Variants in BICDL2 observed in about 807,000 individuals in gnomAD.
BICDL2 encodes BICD family-like cargo adapter 2.
In BICDL2, 62 loss-of-function variants were observed where a neutral mutation model predicts 56.6. The ratio of observed to expected loss-of-function variants is 1.10; its 90% confidence interval spans 0.89 to 1.35. BICDL2 has a LOEUF of 1.35. Among genes scored for constraint, BICDL2 ranks in the 40% most tolerant of loss-of-function variants. The probability of loss-of-function intolerance (pLI) is 0.00; values close to 1 mark genes in which losing one functional copy is unlikely to be tolerated. For synonymous variants in BICDL2, 358 were observed against 319.8 expected (o/e 1.12, Z -1.27); for missense variants, 808 against 684.5 (o/e 1.18, Z -2.01).
At position 3,032,091 on chromosome 16, in the gene BICDL2, C is replaced by G. The variant is rs1194193168; in HGVS notation, c.283-941G>C. On this transcript the variant is annotated intron_variant, in intron 2 of 9. Coordinates refer to ENST00000572449, the MANE Select transcript of BICDL2 (RefSeq NM_001369667.1). Reference sequence around the variant, plus strand: ...AGATTACTGGCGTGCGCCACCCTGCCCGGCAAATTTTTTTGTTTTCTTAGG... The same window carrying G: ...AGATTACTGGCGTGCGCCACCCTGCGCGGCAAATTTTTTTGTTTTCTTAGG... 2.0e-5 allele frequency: 3 copies of G among 152,214 alleles called. No individual in the cohort carries two copies. The East Asian group carries it at 5.8e-4, about 29-fold the overall frequency. The allele number at this position is 152,214 out of a possible 1,614,324, so 9.4% of individuals were successfully genotyped here.
chr16:3,031,005 C>T lies in BICDL2; in HGVS notation c.428G>A (p.Gly143Glu). The change falls in exon 3 of 10, where the codon GGG becomes GAG. Residue 143 changes from glycine to glutamate, a missense_variant. By Grantham distance (98) the Gly-to-Glu change is moderately conservative. Coordinates refer to ENST00000572449, the MANE Select transcript of BICDL2 (RefSeq NM_001369667.1). ...GEQRSEQQDS[G>E]RERARALSEL... ...GCTGAGGGCCCGTGCCCGTTCTCGC[C>T]CACTGTCCTGCTGCTCTGAGCGCTG... 1.9e-6 allele frequency: 3 copies of T among 1,553,558 alleles called. No individual in the cohort carries two copies. The highest frequency in any genetic ancestry group is 2.4e-5 in the East Asian group (1 of 41,762).
intron 2 of BICDL2, among the ~76,000 whole-genome samples, chr16:3,033,981 G>A (rs1955692907): frequency 1.3e-5 from 2 of 152,130 alleles, no homozygotes; most frequent in African/African-American, 2.4e-5. Context: ...TCAGGCTCAG[G>A]GCAGTGGTTG....
intron 1 of BICDL2, chr16:3,035,779 G>A (rs1438569447): frequency 2.0e-6 from 1 of 489,626 alleles, no homozygotes; most frequent in East Asian, 3.5e-5. Flanking sequence ...CCCCAGGAAA[G>A]CTCATTCCAG....
At chr16:3,034,927 G>C (rs1392052131) in intron 2 of BICDL2, 5 of 415,630 alleles carry the variant, frequency 1.2e-5, no homozygotes, top group Middle Eastern at 6.4e-4. Context: ...TGCCCAGGCT[G>C]TTCTCCAACA....
At chr16:3,036,610 C>T in intron 1 of BICDL2, 1 of 451,108 alleles carries the variant, frequency 2.2e-6, no homozygotes, top group Non-Finnish European at 4.4e-6. Flanking sequence ...GGCCCCGCTC[C>T]CCCGCCCCCC....
At chr16:3,031,772 GAC>G (rs1338790704) in intron 2 of BICDL2, 9 of 381,788 alleles carry the variant, frequency 2.4e-5, no homozygotes, top group Non-Finnish European at 4.2e-5. Context: ...CTGCTGCAGC[GAC>G]TCGCAGGTAC....
intron 2 of BICDL2, chr16:3,034,927 G>A: frequency 2.4e-6 from 1 of 415,746 alleles, no homozygotes; most frequent in South Asian, 4.9e-5. Flanking sequence ...TGCCCAGGCT[G>A]TTCTCCAACA....
chr16:3,031,305 G>GA, intron 2 of BICDL2, 155 bp from the exon 3 acceptor site: 1 of 651,136 alleles, frequency 1.5e-6, no homozygotes, highest in Non-Finnish European at 2.6e-6. Context: ...AGTGAGGGAG[G>GA]AAGCGTGAGC....
chr16:3,035,645 C>G, intron 1 of BICDL2, 119 bp from the exon 2 acceptor site: 2 of 862,906 alleles, frequency 2.3e-6, no homozygotes, highest in Non-Finnish European at 3.5e-6. Flanking sequence ...GCTTCCTGGG[C>G]CACAAAGGGT....
rs571382966 is a variant in BICDL2 at position 3,031,451 on chromosome 16, G to A, written c.283-301C>T. Reference sequence around the variant, plus strand: ...GGCTTCTGGACCTGAGGTCGCAAGCGCCGTTTTTGGCGCCTGAGTCTGGCA... The same window carrying A: ...GGCTTCTGGACCTGAGGTCGCAAGCACCGTTTTTGGCGCCTGAGTCTGGCA... On this transcript the variant is annotated intron_variant, in intron 2 of 9. Transcript: ENST00000572449. The A allele has an allele frequency of 8.4e-4, 451 of 534,368 alleles. 1 individual carries two copies. The highest frequency in any genetic ancestry group is 1.3e-3 in the Non-Finnish European group (393 of 301,936). 33.1% of individuals were successfully genotyped at this position (534,368 alleles called of 1,614,324 possible).
Position 3,029,572 on chromosome 16 carries a change from C to G in BICDL2, c.930G>C (p.Gln310His), listed in dbSNP as rs1450960243. The stretch of plus-strand genomic sequence containing the variant: ...GGGTGTCTCCGGGTGCGTCGGCGCC[C>G]TGGCCCTGGTCGCCGTCGTCGAGGC... Reference protein sequence around the residue: ...AHSLDDGDQGQGADAPGDTPT... With the variant: ...AHSLDDGDQGHGADAPGDTPT... Residue 310 changes from glutamine (Q) to histidine (H), a missense_variant, in exon 6 of 10, where the codon CAG (glutamine) becomes CAC (histidine). Gln to His is a conservative substitution (Grantham distance 24). Transcript: ENST00000572449. 7.1e-6 allele frequency: 11 copies of G among 1,546,432 alleles called. No homozygotes were observed. In the Admixed American group the frequency reaches 1.8e-4, roughly 25 times the overall value.
intron 2 of BICDL2, chr16:3,031,633 C>G (rs1340911138): frequency 2.5e-6 from 1 of 402,790 alleles, no homozygotes. Flanking sequence ...GTCTGACCAG[C>G]GGGGGAATGC....
Position 3,036,934 on chromosome 16 carries a change from G to A in BICDL2, c.-71C>T, listed in dbSNP as rs997001173. On this transcript the variant is annotated 5_prime_UTR_variant, in exon 1 of 10. Coordinates refer to ENST00000572449, the MANE Select transcript of BICDL2 (RefSeq NM_001369667.1). ...TCCCTCCGAGGTCCCCGCGGTCTCC[G>A]GTCCCCTCTTCCGGAGGCGGCTCCA... 3.6e-5 allele frequency: 9 copies of A among 250,132 alleles called. No homozygotes were observed. The highest frequency in any genetic ancestry group is 1.8e-4 in the East Asian group (1 of 5,546). 15.5% of individuals were successfully genotyped at this position (250,132 alleles called of 1,614,324 possible).
intron 2 of BICDL2, among the ~76,000 whole-genome samples, chr16:3,034,724 C>G (rs1251484881): frequency 4.1e-5 from 5 of 121,580 alleles, no homozygotes; most frequent in Non-Finnish European, 8.2e-5. Context: ...TTTTTTTTTT[C>G]AGGATCTCAC....
chr16:3,034,681 CTT>C (rs1286156241), intron 2 of BICDL2, among the ~76,000 whole-genome samples: 1 of 144,058 alleles, frequency 6.9e-6, no homozygotes, highest in African/African-American at 2.6e-5. Context: ...TCCTTCCTTC[CTT>C]CCTTCCTTCC....
intron 2 of BICDL2, 42 bp from the exon 3 acceptor site, chr16:3,031,192 G>A (rs1207824005): frequency 5.3e-6 from 8 of 1,498,870 alleles, no homozygotes; most frequent in Admixed American, 2.0e-5. Flanking sequence ...GAGAGGCACC[G>A]ATGAGACTGG....
At chr16:3,033,717 T>TA (rs1184330058) in intron 2 of BICDL2, among the ~76,000 whole-genome samples, 2 of 151,598 alleles carry the variant, frequency 1.3e-5, no homozygotes, top group East Asian at 3.9e-4. Flanking sequence ...CTCGTGAAGT[T>TA]GAGGTTCCAG....
rs1955633011 is a variant in BICDL2, at chr16:3,030,296, C to T, written c.762+153G>A. 5.3e-6 allele frequency: 5 copies of T among 942,660 alleles called. 1 individual carries two copies. The highest frequency in any genetic ancestry group is 6.4e-4 in the Middle Eastern group (2 of 3,140). 58.4% of individuals were successfully genotyped at this position (942,660 alleles called of 1,614,324 possible). ...ATGCCTCACCTGCTCAACAGCCTTC[C>T]GTGGCTCCCATTTGCCCATGGGCTA... On this transcript the variant is annotated intron_variant, in intron 5 of 9. Transcript: ENST00000572449.
chr16:3,034,325 C>T (rs1164537478), intron 2 of BICDL2, among the ~76,000 whole-genome samples: 1 of 152,204 alleles, frequency 6.6e-6, no homozygotes, highest in Non-Finnish European at 1.5e-5. Context: ...GTCACCCAGG[C>T]TGGAGTGCAG....
Sources: allele counts gnomAD v4.1 joint callset (sites outside exome capture counted in the v4.1 genomes callset), GRCh38; gene constraint gnomAD v4.1.1; transcripts MANE v1.5; gene names NCBI Gene and HGNC (gene_info 2026-07-23, HGNC 2026-07-21).